Variants in VAPB observed in about 807,000 individuals in gnomAD.
VAPB encodes the protein vesicle-associated membrane protein-associated protein B/C.
Under a neutral mutation model 25.6 loss-of-function variants are expected in VAPB, and 7 were observed. The observed-to-expected ratio is 0.27, with a 90% confidence interval of 0.16 to 0.51. VAPB has a LOEUF of 0.51. Among genes scored for constraint, VAPB ranks in the 20% least tolerant of loss-of-function variants. The probability of loss-of-function intolerance (pLI) is 0.97; values close to 1 mark genes in which losing one functional copy is unlikely to be tolerated. For synonymous variants in VAPB, 112 were observed against 109.2 expected, an observed-to-expected ratio of 1.03 and a Z score of -0.16; for missense variants, 266 against 301.3, an observed-to-expected ratio of 0.88 and a Z score of 0.87.
chr20:58,435,045 T>G (rs1210473429), intron 3 of VAPB, among the ~76,000 whole-genome samples: 1 of 152,138 alleles, frequency 6.6e-6, no homozygotes, highest in Admixed American at 6.5e-5. Flanking sequence ...AGGATACTTT[T>G]CATTGTCCCG....
At chr20:58,443,617 T>TATATAAATATATAAATAAG (rs1989210883) in intron 5 of VAPB, among the ~76,000 whole-genome samples, 1 of 152,022 alleles carries the variant, frequency 6.6e-6, no homozygotes, top group African/African-American at 2.4e-5. Context: ...TTTATATATT[T>TATATAAATATATAAATAAG]ATGTCTTGGG....
intron 1 of VAPB, among the ~76,000 whole-genome samples, chr20:58,403,360 A>T (rs1400983841): frequency 6.6e-6 from 1 of 152,214 alleles, no homozygotes; most frequent in East Asian, 1.9e-4. Flanking sequence ...TTGTGCCTAC[A>T]AACATGCTTA....
At chr20:58,402,818 A>G (rs1988131699) in intron 1 of VAPB, among the ~76,000 whole-genome samples, 1 of 152,176 alleles carries the variant, frequency 6.6e-6, no homozygotes, top group African/African-American at 2.4e-5. Flanking sequence ...GAGCCTGGGC[A>G]ATATGGCGAA....
intron 1 of VAPB, among the ~76,000 whole-genome samples, chr20:58,392,867 A>T (rs1392255051): frequency 6.6e-6 from 1 of 152,360 alleles, no homozygotes; most frequent in South Asian, 2.1e-4. Context: ...ATGCAGTTTT[A>T]TAGGAAGTAC....
chr20:58,408,890 A>ACCCCCC (rs60297703), intron 1 of VAPB, among the ~76,000 whole-genome samples: 30 of 91,940 alleles, frequency 3.3e-4, no homozygotes, highest in Middle Eastern at 6.0e-3. Context: ...TAGGACAGAC[A>ACCCCCC]CCCCCCCCCC....
At chr20:58,425,316 G>A (rs563072535) in intron 2 of VAPB, among the ~76,000 whole-genome samples, 1 of 152,300 alleles carries the variant, frequency 6.6e-6, no homozygotes, top group Admixed American at 6.5e-5. Context: ...GAGTGACTCT[G>A]GGAAGTGGGA....
intron 1 of VAPB, among the ~76,000 whole-genome samples, chr20:58,410,508 C>T (rs1201324852): frequency 6.6e-6 from 1 of 152,138 alleles, no homozygotes; most frequent in African/African-American, 2.4e-5. Flanking sequence ...CCTTCGCCTC[C>T]TGGGTTCAAA....
chr20:58,441,027 T>C lies in VAPB; in HGVS notation c.517T>C (p.Cys173Arg). ...DTEVKKVMEE[C>R]KRLQGEVQRL... ...CGAAGTTAAGAAGGTTATGGAAGAA[T>C]GTAAGAGGCTGCAAGGTGAAGTTCA... The change falls in exon 5 of 6, where the codon TGT (cysteine) becomes CGT (arginine). Residue 173 changes from cysteine to arginine, a missense_variant. Cys to Arg is a radical substitution (Grantham distance 180). Around this residue, in one of 3 missense-constraint regions of VAPB, gnomAD observed 136 missense variants for 130.7 expected, o/e 1.04. Coordinates refer to ENST00000475243, the MANE Select transcript of VAPB (RefSeq NM_004738.5). The C allele has an allele frequency of 6.2e-7, 1 of 1,614,074 alleles. No individual in the cohort carries two copies.
At chr20:58,422,567 C>T (rs926050327) in intron 2 of VAPB, among the ~76,000 whole-genome samples, 2 of 150,020 alleles carry the variant, frequency 1.3e-5, no homozygotes, top group African/African-American at 2.4e-5. Flanking sequence ...TACATAATTT[C>T]TGAAAATGTC....
chr20:58,389,250 C>T lies in VAPB; in HGVS notation c.-210C>T. The T allele has an allele frequency of 4.5e-6, 3 of 664,158 alleles. No individual in the cohort carries two copies. The highest frequency in any genetic ancestry group is 1.5e-5 in the South Asian group (1 of 65,010). The allele number at this position is 664,158 out of a possible 1,614,324, so 41.1% of individuals were successfully genotyped here. On this transcript the variant is annotated 5_prime_UTR_variant, in exon 1 of 6. Transcript: ENST00000475243. ...GCGTGCGTGCCGTCAGCTCGCCGGGCACCGCGGCCTCGCCCTCGCCCTCCG... is the reference window on the plus strand; with the variant it reads ...GCGTGCGTGCCGTCAGCTCGCCGGGTACCGCGGCCTCGCCCTCGCCCTCCG...
Position 58,451,045 on chromosome 20 carries a change from T to A in VAPB, c.*6810T>A, listed in dbSNP as rs1405952803. 1 of 442,958 alleles carries A rather than the reference T, an allele frequency of 2.3e-6. No individual in the cohort carries two copies. The allele number at this position is 442,958 out of a possible 1,614,324, so 27.4% of individuals were successfully genotyped here. A position where few individuals can be genotyped will look rare whatever the true frequency, so the allele number is the denominator to read the frequency against. ...CCTGCCCTGCCAAGGCATAAACTTT[T>A]GTACTAGCTGTCTCCATATTATGTT... On this transcript the variant is annotated 3_prime_UTR_variant, in exon 6 of 6. Coordinates refer to ENST00000475243, the MANE Select transcript of VAPB (RefSeq NM_004738.5).
chr20:58,449,650 T>C lies in VAPB; in HGVS notation c.*5415T>C, dbSNP rs1600830165. 8.8e-6 allele frequency: 4 copies of C among 454,052 alleles called. No individual in the cohort carries two copies. The highest frequency in any genetic ancestry group is 1.8e-5 in the Non-Finnish European group (4 of 226,738). 28.1% of individuals were successfully genotyped at this position (454,052 alleles called of 1,614,324 possible). Reference sequence around the variant, plus strand: ...AAAACAGTACTGTGGGAGAATCGCTTTCTGCTGCTAGATAAATGCTGATGT... The same window carrying C: ...AAAACAGTACTGTGGGAGAATCGCTCTCTGCTGCTAGATAAATGCTGATGT... On this transcript the variant is annotated 3_prime_UTR_variant, in exon 6 of 6. Coordinates refer to ENST00000475243, the MANE Select transcript of VAPB (RefSeq NM_004738.5).
intron 2 of VAPB, among the ~76,000 whole-genome samples, chr20:58,427,076 G>A (rs916842601): frequency 4.6e-5 from 7 of 150,956 alleles, no homozygotes; most frequent in East Asian, 2.0e-4. Flanking sequence ...AAAGTGATCC[G>A]TGATCTGTTA....
At chr20:58,423,434 A>G (rs920412958) in intron 2 of VAPB, among the ~76,000 whole-genome samples, 44 of 148,814 alleles carry the variant, frequency 3.0e-4, no homozygotes, top group African/African-American at 9.6e-4. Flanking sequence ...AAAAAAAAAA[A>G]AAAAAAAAAA....
rs1300519435 is a variant in VAPB at position 58,448,512 on chromosome 20, G to C, written c.*4277G>C. The C allele has an allele frequency of 1.8e-5, 8 of 454,058 alleles. No homozygotes were observed. Among genetic ancestry groups the C allele is most frequent in the Middle Eastern group, 6.9e-4 (1 of 1,444 alleles). 28.1% of individuals were successfully genotyped at this position (454,058 alleles called of 1,614,324 possible). ...TCTGTTTGCATACGAAGAAATAAAG[G>C]CTCCAGGAGGTTAAATCGGGCAACT... On this transcript the variant is annotated 3_prime_UTR_variant, in exon 6 of 6. Transcript: ENST00000475243.
intron 1 of VAPB, among the ~76,000 whole-genome samples, chr20:58,408,657 TG>T (rs918788583): frequency 1.3e-5 from 2 of 152,124 alleles, no homozygotes; most frequent in Admixed American, 6.5e-5. Context: ...ATAATTATGA[TG>T]AAAGCATTAT....
At chr20:58,415,074 C>T (rs1004619952) in intron 1 of VAPB, among the ~76,000 whole-genome samples, 3 of 151,818 alleles carry the variant, frequency 2.0e-5, no homozygotes, top group Non-Finnish European at 4.4e-5. Context: ...ACCAGTCAGG[C>T]GTGGCGGCGC....
At chr20:58,418,481 AC>A in intron 2 of VAPB, 118 bp downstream of exon 2, 7 of 1,162,604 alleles carry the variant, frequency 6.0e-6, no homozygotes, top group Non-Finnish European at 7.8e-6. Context: ...TCTCCACCCC[AC>A]CCCCACCCCA....
chr20:58,407,074 ATCT>A (rs1988247539), intron 1 of VAPB, among the ~76,000 whole-genome samples: 1 of 152,338 alleles, frequency 6.6e-6, no homozygotes, highest in South Asian at 2.1e-4. Flanking sequence ...TCTGTGAATA[ATCT>A]TCTACTGCAC....
Sources: gnomAD v4.1 joint callset for allele counts (sites outside exome capture counted in the v4.1 genomes callset) on GRCh38, gnomAD v4.1.1 for gene constraint, gnomAD v4.1.1 regional missense constraint, MANE v1.5 for transcripts, NCBI Gene and HGNC (gene_info 2026-07-23, HGNC 2026-07-21) for gene names.